Variants in TRAP1 observed in about 807,000 individuals in gnomAD.
The protein encoded by TRAP1 is heat shock protein 75 kDa, mitochondrial.
Under a neutral mutation model 89.1 loss-of-function variants are expected in TRAP1, and 102 were observed. The ratio of observed to expected loss-of-function variants is 1.15; its 90% CI spans 0.98 to 1.35. The LOEUF (loss-of-function observed/expected upper bound fraction) is 1.35, where lower values mean the gene tolerates loss of function less well. Ranked by LOEUF, TRAP1 falls within the 40% of genes most tolerant of loss-of-function variation. TRAP1 has a pLI of 0.00. For synonymous variants in TRAP1, 508 were observed against 388.0 expected, an observed-to-expected ratio of 1.31 and a Z score of -3.64; for missense variants, 1,256 against 945.3, an observed-to-expected ratio of 1.33 and a Z score of -4.31.
At chr16:3,681,233 A>G (rs1248667559) in intron 4 of TRAP1, among the ~76,000 whole-genome samples, 1 of 152,154 alleles carries the variant, frequency 6.6e-6, no homozygotes, top group African/African-American at 2.4e-5. Context: ...ACTTCCTTCT[A>G]GGAAGTTCCT....
At chr16:3,682,491 G>A (rs2151262883) in intron 4 of TRAP1, among the ~76,000 whole-genome samples, 1 of 152,128 alleles carries the variant, frequency 6.6e-6, no homozygotes, top group East Asian at 1.9e-4. Context: ...CCGAGTTCAA[G>A]CAATTCTCCT....
At chr16:3,677,703 A>G (rs768168859) in intron 5 of TRAP1, 45 bp from the exon 6 acceptor site, 2 of 1,593,822 alleles carry the variant, frequency 1.3e-6, no homozygotes, top group Non-Finnish European at 1.7e-6. Context: ...CCCTCCAGAG[A>G]GCAGACACTC....
intron 4 of TRAP1, 36 bp downstream of exon 4, chr16:3,685,960 C>A (rs745426687): frequency 6.2e-7 from 1 of 1,602,774 alleles, no homozygotes; most frequent in African/African-American, 1.3e-5. Flanking sequence ...GCTGCATGGC[C>A]GGGCCTGCCA....
chr16:3,690,706 C>T (rs1395093358), intron 2 of TRAP1, 121 bp downstream of exon 2: 4 of 1,099,016 alleles, frequency 3.6e-6, no homozygotes, highest in Admixed American at 6.1e-5. Context: ...CAGCCAAGAC[C>T]TTCTGATTTC....
intron 1 of TRAP1, chr16:3,704,101 T>C (rs1014751745): frequency 1.3e-5 from 2 of 152,168 alleles, no homozygotes; most frequent in Non-Finnish European, 2.9e-5. Flanking sequence ...TCCCAGCACT[T>C]TGAGAAGCCA....
At chr16:3,662,676 C>T (rs1313230190) in intron 15 of TRAP1, 1 of 693,734 alleles carries the variant, frequency 1.4e-6, no homozygotes, top group Non-Finnish European at 2.6e-6. Flanking sequence ...TGGAGCAGGG[C>T]TGGGAGAAAG....
intron 1 of TRAP1, among the ~76,000 whole-genome samples, chr16:3,694,900 T>C (rs2051265801): frequency 6.6e-6 from 1 of 152,146 alleles, no homozygotes; most frequent in Non-Finnish European, 1.5e-5. Flanking sequence ...AAGTCCAAGA[T>C]CAAGGTGCCA....
intron 12 of TRAP1, chr16:3,665,321 T>C (rs2050806472): frequency 6.6e-6 from 1 of 152,262 alleles, no homozygotes; most frequent in African/African-American, 2.4e-5. Context: ...GCTCCTGGGA[T>C]GAAATGTTCT....
At chr16:3,716,666 A>T (rs1161143195) in intron 1 of TRAP1, among the ~76,000 whole-genome samples, 1 of 152,246 alleles carries the variant, frequency 6.6e-6, no homozygotes, top group African/African-American at 2.4e-5. Flanking sequence ...ATTTATATTT[A>T]CACGTATAAC....
chr16:3,666,006 C>G lies in TRAP1; in HGVS notation c.1348G>C (p.Glu450Gln). The G allele has an allele frequency of 1.2e-6, 2 of 1,614,060 alleles. No individual in the cohort carries two copies. Among genetic ancestry groups the G allele is most frequent in the Non-Finnish European group, 1.7e-6 (2 of 1,179,984 alleles). Residue 450 changes from glutamate to glutamine, a missense_variant, in exon 12 of 18, where the codon GAG becomes CAG. Transcript: ENST00000246957. ...FFEDYGLFMR[E>Q]GIVTATEQEV... ...TGCTCGGTGGCGGTCACAATGCCCT[C>G]CCGCATGAACAGGCCGTAATCTTCA...
At chr16:3,704,977 G>A (rs1596750603) in intron 1 of TRAP1, among the ~76,000 whole-genome samples, 1 of 152,204 alleles carries the variant, frequency 6.6e-6, no homozygotes, top group East Asian at 1.9e-4. Flanking sequence ...TTATTGAGAT[G>A]TAACACATCT....
At chr16:3,663,219 G>T (rs1038318313) in intron 14 of TRAP1, 5 of 712,246 alleles carry the variant, frequency 7.0e-6, no homozygotes, top group Non-Finnish European at 1.1e-5. Flanking sequence ...AGAAGCCACC[G>T]TGGCAGGAGC....
intron 1 of TRAP1, among the ~76,000 whole-genome samples, chr16:3,691,820 G>A (rs766735407): frequency 6.6e-6 from 1 of 152,124 alleles, no homozygotes; most frequent in Non-Finnish European, 1.5e-5. Context: ...AAAAACAGCT[G>A]ACGATGGGTT....
At chr16:3,699,840 T>C (rs966559590) in intron 1 of TRAP1, among the ~76,000 whole-genome samples, 1 of 118,464 alleles carries the variant, frequency 8.4e-6, no homozygotes, top group Non-Finnish European at 1.5e-5. Context: ...ACTAAATTCT[T>C]TTTTTTTTTT....
At position 3,708,655 on chromosome 16, in the gene TRAP1, A is replaced by AATAC. The variant is rs1181594140; in HGVS notation, c.88+8765_88+8766insGTAT. ...CCATCTCAAAATAAATAAATAAATA[A>AATAC]ATAAAAATAAATGAGCCGGGCATGG... On this transcript the variant is annotated intron_variant, in intron 1 of 17. Coordinates refer to ENST00000246957, the MANE Select transcript of TRAP1 (RefSeq NM_016292.3). Among the ~76,000 whole-genome samples, 3 of 151,174 alleles carry AATAC rather than the reference A, an allele frequency of 2.0e-5. No individual in the cohort carries two copies. The East Asian group carries it at 5.9e-4, about 30-fold the overall frequency.
intron 11 of TRAP1, among the ~76,000 whole-genome samples, chr16:3,670,382 C>CAAAAAAAAAAAAAAAAAAAAAAAAAAAA (rs760902038): frequency 4.4e-5 from 1 of 22,844 alleles, no homozygotes; most frequent in African/African-American, 1.2e-4. Context: ...GACTCCGTCT[C>CAAAAAAAAAAAAAAAAAAAAAAAAAAAA]AAAAAAAAAA....
Position 3,700,144 on chromosome 16 carries a change from G to A in TRAP1, c.89-9159C>T, listed in dbSNP as rs571183221. On this transcript the variant is annotated intron_variant, in intron 1 of 17. Transcript: ENST00000246957. ...CATCCATATTTCTTGGTATGCCAAA[G>A]TATCTATCACAAAAGCTACTCTTTA... Among the ~76,000 whole-genome samples, 7 of 152,120 alleles carry A rather than the reference G, an allele frequency of 4.6e-5. 1 individual carries two copies. The highest frequency in any genetic ancestry group is 1.7e-4 in the African/African-American group (7 of 41,504).
intron 1 of TRAP1, among the ~76,000 whole-genome samples, chr16:3,709,287 A>G (rs1419858050): frequency 6.6e-6 from 1 of 152,084 alleles, no homozygotes; most frequent in Non-Finnish European, 1.5e-5. Context: ...GGCCATTCAC[A>G]AAAACAAGAA....
In TRAP1 at chr16:3,698,687, G is replaced by A. The variant is rs1366319912; in HGVS notation, c.89-7702C>T. ...TTTGGGAGGCCAAGGCCGGGGGGTC[G>A]CTTCAGCTCAGGAGTTTGAAATTAG... On this transcript the variant is annotated intron_variant, in intron 1 of 17. Coordinates refer to ENST00000246957, the MANE Select transcript of TRAP1 (RefSeq NM_016292.3). Among the ~76,000 whole-genome samples the A allele has an allele frequency of 5.3e-5, 8 of 152,008 alleles. No homozygotes were observed. In the East Asian group the frequency reaches 5.9e-4, roughly 11 times the overall value.
Sources: gnomAD v4.1 joint callset for allele counts (sites outside exome capture counted in the v4.1 genomes callset) on GRCh38, gnomAD v4.1.1 for gene constraint, MANE v1.5 for transcripts, NCBI Gene and HGNC (gene_info 2026-07-23, HGNC 2026-07-21) for gene names.